The following PIP5K1B variants were observed in gnomAD, a reference collection of about 807,000 sequenced individuals.
PIP5K1B encodes the protein phosphatidylinositol 4-phosphate 5-kinase type-1 beta.
Under a neutral mutation model 67.0 loss-of-function variants are expected in PIP5K1B, and 42 were observed. The ratio of observed to expected loss-of-function variants is 0.63; its 90% CI spans 0.49 to 0.81. PIP5K1B has a LOEUF of 0.81. PIP5K1B is among the 30% of genes least tolerant of loss of function. PIP5K1B has a pLI of 0.00. For missense variants in PIP5K1B, 459 were observed against 646.3 expected (o/e 0.71, Z 3.14); for synonymous variants, 214 against 231.4 (o/e 0.92, Z 0.68).
chr9:68,979,330 A>G (rs1413758613), intron 14 of PIP5K1B, among the ~76,000 whole-genome samples: 3 of 152,252 alleles, frequency 2.0e-5, no homozygotes, highest in Admixed American at 2.0e-4. Context: ...TAATGAGTAA[A>G]TGAAATAACA....
chr9:68,973,321 C>T (rs1175010411), intron 14 of PIP5K1B, among the ~76,000 whole-genome samples: 3 of 152,114 alleles, frequency 2.0e-5, no homozygotes, highest in Non-Finnish European at 2.9e-5. Context: ...TATGTAGATA[C>T]ATCAATGATA....
intron 14 of PIP5K1B, among the ~76,000 whole-genome samples, chr9:68,972,802 A>G (rs1250407372): frequency 1.3e-5 from 2 of 152,160 alleles, no homozygotes; most frequent in Non-Finnish European, 2.9e-5. Context: ...ATCTTCAACA[A>G]TAATACTAAT....
chr9:68,881,680 T>C (rs78074566), intron 6 of PIP5K1B, among the ~76,000 whole-genome samples: 1,553 of 152,370 alleles, frequency 0.01, 7 homozygotes, highest in Non-Finnish European at 0.016. Context: ...TGTTGAAACA[T>C]GCATAATTTG....
intron 14 of PIP5K1B, among the ~76,000 whole-genome samples, chr9:68,950,728 A>G (rs1828023811): frequency 6.6e-6 from 1 of 152,206 alleles, no homozygotes; most frequent in Non-Finnish European, 1.5e-5. Context: ...GATATGCTTC[A>G]AACATACAGG....
At chr9:68,811,748 T>C (rs7856247) in intron 2 of PIP5K1B, among the ~76,000 whole-genome samples, 99,276 of 152,004 alleles carry the variant, frequency 0.65, 32,655 homozygotes, top group Middle Eastern at 0.72. Flanking sequence ...TATAACCAAT[T>C]CCATGTATTA....
At chr9:68,799,355 C>T (rs1237089864) in intron 2 of PIP5K1B, among the ~76,000 whole-genome samples, 1 of 152,140 alleles carries the variant, frequency 6.6e-6, no homozygotes, top group Non-Finnish European at 1.5e-5. Flanking sequence ...CACTTCTTAT[C>T]AAAATCCCAA....
At chr9:68,758,132 G>A (rs1172982736) in intron 2 of PIP5K1B, among the ~76,000 whole-genome samples, 2 of 152,118 alleles carry the variant, frequency 1.3e-5, no homozygotes. Flanking sequence ...TGCCTGCTAA[G>A]ACAAAAATAG....
intron 1 of PIP5K1B, among the ~76,000 whole-genome samples, chr9:68,709,905 G>T (rs1332496427): frequency 2.0e-5 from 3 of 152,182 alleles, no homozygotes; most frequent in Non-Finnish European, 4.4e-5. Flanking sequence ...GCAAGGCCTT[G>T]TCTCAGAAAA....
chr9:68,838,003 A>G (rs1821715592), intron 4 of PIP5K1B, among the ~76,000 whole-genome samples: 1 of 151,168 alleles, frequency 6.6e-6, no homozygotes, highest in Admixed American at 6.6e-5. Flanking sequence ...CATAGATTTT[A>G]TACCTATTTT....
intron 2 of PIP5K1B, among the ~76,000 whole-genome samples, chr9:68,761,078 T>C (rs903783078): frequency 6.6e-6 from 1 of 152,108 alleles, no homozygotes; most frequent in Non-Finnish European, 1.5e-5. Context: ...ATATTGGCTA[T>C]GCAACTAACT....
At chr9:68,790,575 C>T (rs1326662408) in intron 2 of PIP5K1B, among the ~76,000 whole-genome samples, 2 of 150,638 alleles carry the variant, frequency 1.3e-5, no homozygotes, top group African/African-American at 2.4e-5. Context: ...TGTGTATGTA[C>T]ACCCAAACGC....
chr9:68,718,968 A>G (rs999069375), intron 1 of PIP5K1B, among the ~76,000 whole-genome samples: 1 of 152,234 alleles, frequency 6.6e-6, no homozygotes, highest in Non-Finnish European at 1.5e-5. Flanking sequence ...AGATAGAGTC[A>G]TATTATCCAT....
At chr9:68,973,980 C>T (rs927287499) in intron 14 of PIP5K1B, among the ~76,000 whole-genome samples, 4 of 152,180 alleles carry the variant, frequency 2.6e-5, no homozygotes, top group African/African-American at 7.2e-5. Context: ...CGGGCTCAAG[C>T]GATCCTCCCA....
At chr9:68,733,725 C>A (rs1828577687) in intron 1 of PIP5K1B, among the ~76,000 whole-genome samples, 1 of 150,316 alleles carries the variant, frequency 6.7e-6, no homozygotes, top group East Asian at 2.0e-4. Flanking sequence ...CTGTAACCTC[C>A]GCCTCCCGGG....
intron 7 of PIP5K1B, among the ~76,000 whole-genome samples, chr9:68,892,039 T>C (rs1824816554): frequency 1.3e-5 from 2 of 152,066 alleles, no homozygotes; most frequent in South Asian, 4.1e-4. Flanking sequence ...TAAAAACAAA[T>C]GTTACAAGAC....
At chr9:68,787,726 G>A (rs991250140) in intron 2 of PIP5K1B, among the ~76,000 whole-genome samples, 2 of 152,020 alleles carry the variant, frequency 1.3e-5, no homozygotes, top group Non-Finnish European at 2.9e-5. Flanking sequence ...TCCGCCTCCC[G>A]GGTTCAAGTG....
intron 5 of PIP5K1B, among the ~76,000 whole-genome samples, chr9:68,872,750 C>T (rs1304000662): frequency 1.3e-5 from 2 of 152,200 alleles, no homozygotes; most frequent in Non-Finnish European, 2.9e-5. Flanking sequence ...CCCTACACAG[C>T]ATTCTGCATC....
intron 14 of PIP5K1B, among the ~76,000 whole-genome samples, chr9:68,978,037 C>T (rs1311994656): frequency 6.6e-6 from 1 of 152,058 alleles, no homozygotes; most frequent in Non-Finnish European, 1.5e-5. Flanking sequence ...TTGAGGTATA[C>T]TTAACAAATA....
chr9:68,868,900 C>A (rs1362008968), intron 5 of PIP5K1B, among the ~76,000 whole-genome samples: 5 of 152,206 alleles, frequency 3.3e-5, no homozygotes, highest in African/African-American at 1.2e-4. Flanking sequence ...GACCCACATG[C>A]ACTTCAGGAT....
Sources: allele counts gnomAD v4.1 joint callset (sites outside exome capture counted in the v4.1 genomes callset), GRCh38; gene constraint gnomAD v4.1.1; transcripts MANE v1.5; gene names NCBI Gene and HGNC (gene_info 2026-07-23, HGNC 2026-07-21).